The following MTHFD1L variants were observed in gnomAD, a reference collection of about 807,000 sequenced individuals.
MTHFD1L encodes methylenetetrahydrofolate dehydrogenase (NADP+ dependent) 1 like.
Under a neutral mutation model 119.5 loss-of-function variants are expected in MTHFD1L, and 81 were observed. That is an observed-to-expected ratio of 0.68 (90% CI 0.57 to 0.82). The LOEUF is 0.82. MTHFD1L is among the 40% of genes least tolerant of loss of function. The pLI, the probability that MTHFD1L is intolerant of heterozygous loss-of-function variation, is 0.00. For missense variants in MTHFD1L, 1,125 were observed against 1,253.4 expected, an observed-to-expected ratio of 0.90 and a Z score of 1.55; for synonymous variants, 430 against 475.2, an observed-to-expected ratio of 0.90 and a Z score of 1.24.
intron 11 of MTHFD1L, chr6:150,935,168 A>G (rs1791838015): frequency 1.2e-6 from 2 of 1,612,556 alleles, no homozygotes; most frequent in East Asian, 4.5e-5. Flanking sequence ...AAATTCTAAA[A>G]CAGTCACTTT....
At chr6:151,073,920 A>C (rs1300003458) in intron 26 of MTHFD1L, among the ~76,000 whole-genome samples, 1 of 152,228 alleles carries the variant, frequency 6.6e-6, no homozygotes, top group East Asian at 1.9e-4. Context: ...ATAATGGGCA[A>C]AACGTTTTCA....
chr6:150,888,457 T>A (rs1397877607), intron 7 of MTHFD1L, among the ~76,000 whole-genome samples: 1 of 152,228 alleles, frequency 6.6e-6, no homozygotes, highest in Non-Finnish European at 1.5e-5. Flanking sequence ...ACATTGTGAT[T>A]AAAAACTAAA....
chr6:150,978,619 G>T (rs4869708), intron 20 of MTHFD1L, among the ~76,000 whole-genome samples: 68,256 of 151,988 alleles, frequency 0.45, 17,588 homozygotes, highest in African/African-American at 0.67. Context: ...GAATGGGATT[G>T]GGAAACAAAG....
chr6:151,026,286 G>T (rs937820032), intron 24 of MTHFD1L, among the ~76,000 whole-genome samples: 2 of 152,192 alleles, frequency 1.3e-5, no homozygotes, highest in Non-Finnish European at 2.9e-5. Flanking sequence ...GAGTCATTCA[G>T]CTAGTGTTTA....
intron 26 of MTHFD1L, among the ~76,000 whole-genome samples, chr6:151,040,796 C>G (rs1321907304): frequency 1.3e-5 from 2 of 152,262 alleles, no homozygotes; most frequent in Non-Finnish European, 2.9e-5. Flanking sequence ...TCTCCTCTCA[C>G]TCCAGCTAAC....
chr6:150,866,246 G>GA (rs1778276752), intron 1 of MTHFD1L, 197 bp downstream of exon 1: 1 of 1,414,244 alleles, frequency 7.1e-7, no homozygotes, highest in Non-Finnish European at 9.2e-7. Context: ...GAGAACGGGG[G>GA]ATCCAGTACC....
intron 24 of MTHFD1L, among the ~76,000 whole-genome samples, chr6:151,028,581 C>A (rs186793743): frequency 6.6e-6 from 1 of 152,218 alleles, no homozygotes; most frequent in African/African-American, 2.4e-5. Context: ...CTTGATTCCA[C>A]TTGTAGGGGC....
At chr6:150,928,424 A>G (rs1274419272) in intron 11 of MTHFD1L, among the ~76,000 whole-genome samples, 9 of 135,398 alleles carry the variant, frequency 6.6e-5, no homozygotes, top group Non-Finnish European at 9.4e-5. Context: ...TGACAGAGCA[A>G]GACTGTCTCA....
intron 21 of MTHFD1L, among the ~76,000 whole-genome samples, chr6:151,012,707 A>G (rs933281326): frequency 6.6e-6 from 1 of 152,184 alleles, no homozygotes; most frequent in Non-Finnish European, 1.5e-5. Flanking sequence ...CATAGAACCA[A>G]TAAGGATGTG....
intron 19 of MTHFD1L, among the ~76,000 whole-genome samples, chr6:150,970,300 A>G (rs1005828522): frequency 2.6e-5 from 4 of 152,226 alleles, no homozygotes; most frequent in Non-Finnish European, 5.9e-5. Flanking sequence ...ACTGAGGAAG[A>G]CTTAAGACAA....
intron 20 of MTHFD1L, among the ~76,000 whole-genome samples, chr6:150,985,520 G>A (rs1030859034): frequency 4.6e-5 from 7 of 151,940 alleles, no homozygotes; most frequent in Non-Finnish European, 1.0e-4. Context: ...AATTAGCCGG[G>A]CTTGGTAGCA....
intron 21 of MTHFD1L, among the ~76,000 whole-genome samples, chr6:151,011,718 T>C (rs1410957105): frequency 2.6e-5 from 4 of 152,276 alleles, no homozygotes; most frequent in East Asian, 3.9e-4. Flanking sequence ...CCAGTGATCA[T>C]GGTAACATGG....
At position 150,970,166 on chromosome 6, in the gene MTHFD1L, T is replaced by C. The variant is rs1797824294; in HGVS notation, c.2014-1781T>C. Among the ~76,000 whole-genome samples the C allele has an allele frequency of 2.0e-5, 3 of 152,206 alleles. No homozygotes were observed. In the South Asian group the frequency reaches 6.2e-4, roughly 32 times the overall value. On this transcript the variant is annotated intron_variant, in intron 19 of 27. Transcript: ENST00000367321. ...TTGCCAGGAGACCAGTAGTTCTTAATCCTGACTGCACTTGAGAAGCTCCTG... is the reference window on the plus strand; with the variant it reads ...TTGCCAGGAGACCAGTAGTTCTTAACCCTGACTGCACTTGAGAAGCTCCTG...
chr6:150,930,804 CT>C (rs1790911037), intron 11 of MTHFD1L, among the ~76,000 whole-genome samples: 1 of 151,872 alleles, frequency 6.6e-6, no homozygotes, highest in African/African-American at 2.4e-5. Context: ...TTTTTTAAAT[CT>C]TCTATTATTA....
At chr6:151,070,414 C>T (rs1791831312) in intron 26 of MTHFD1L, among the ~76,000 whole-genome samples, 1 of 152,180 alleles carries the variant, frequency 6.6e-6, no homozygotes, top group Non-Finnish European at 1.5e-5. Context: ...CTTTCAGTTG[C>T]CATCTGCACT....
chr6:150,937,260 ATCGGTGT>A (rs1467494665), intron 12 of MTHFD1L, among the ~76,000 whole-genome samples: 4 of 151,916 alleles, frequency 2.6e-5, no homozygotes, highest in Non-Finnish European at 5.9e-5. Flanking sequence ...GGCCATCCAT[ATCGGTGT>A]TTGATCATCC....
intron 7 of MTHFD1L, chr6:150,899,163 G>A (rs1784733139): frequency 5.2e-6 from 1 of 191,578 alleles, no homozygotes; most frequent in African/African-American, 2.4e-5. Flanking sequence ...GAAGTCAGAG[G>A]TGAACTTAGG....
chr6:150,951,719 T>G (rs1182627507), intron 16 of MTHFD1L, among the ~76,000 whole-genome samples: 1 of 152,224 alleles, frequency 6.6e-6, no homozygotes, highest in Non-Finnish European at 1.5e-5. Context: ...CCTACATATT[T>G]TCTTTGAAAA....
At chr6:151,088,928 TGCGTGTAAACAAGC>T (rs947800980) in intron 26 of MTHFD1L, among the ~76,000 whole-genome samples, 1 of 152,242 alleles carries the variant, frequency 6.6e-6, no homozygotes, top group Non-Finnish European at 1.5e-5. Context: ...GTAAAGATAG[TGCGTGTAAACAAGC>T]ATGCAGTAAA....
Sources: allele counts gnomAD v4.1 joint callset (sites outside exome capture counted in the v4.1 genomes callset), GRCh38; gene constraint gnomAD v4.1.1; transcripts MANE v1.5; gene names NCBI Gene and HGNC (gene_info 2026-07-23, HGNC 2026-07-21).